JAK2: variants seen among roughly 807,000 people sequenced by gnomAD.
JAK2 encodes the protein tyrosine-protein kinase JAK2.
A neutral mutation model predicts 139.3 loss-of-function variants in JAK2; 86 were observed. The ratio of observed to expected loss-of-function variants is 0.62; its 90% CI spans 0.52 to 0.74. JAK2 has a LOEUF of 0.74. Ranked by LOEUF, JAK2 falls within the 30% of genes least tolerant of loss-of-function variation. The pLI is 0.00. For missense variants in JAK2, 1,421 were observed against 1,360.3 expected (o/e 1.04, Z -0.70); for synonymous variants, 490 against 437.7 (o/e 1.12, Z -1.49).
intron 2 of JAK2, among the ~76,000 whole-genome samples, 191 bp from the exon 3 acceptor site, chr9:5,021,772 G>A (rs906640427): frequency 3.9e-5 from 6 of 152,130 alleles, no homozygotes; most frequent in South Asian, 2.1e-4. Context: ...CTACAAGTGC[G>A]TGCTGCCACG....
intron 22 of JAK2, among the ~76,000 whole-genome samples, chr9:5,106,290 T>C (rs1300994394): frequency 2.6e-5 from 4 of 152,054 alleles, no homozygotes; most frequent in African/African-American, 9.7e-5. Flanking sequence ...AACAGACATA[T>C]AAAAAATGCT....
rs200279369 is a variant in JAK2 at position 4,991,694 on chromosome 9, C to CT, written c.-26+5672_-26+5673insT. ...ACCAGCAAACTCTTTCCCACCCCCC[C>CT]ACCCCACATCTCCTTTTCTAGTCTC... is the stretch of plus-strand genomic sequence containing the variant. On this transcript the variant is annotated intron_variant, in intron 2 of 24. Transcript: ENST00000381652. Among the ~76,000 whole-genome samples the CT allele has an allele frequency of 3.3e-3, 469 of 141,452 alleles. 1 individual carries two copies. Among genetic ancestry groups the CT allele is most frequent in the African/African-American group, 0.012 (450 of 38,704 alleles). The allele number at this position is 141,452 out of a possible 152,430, so 92.8% of individuals were successfully genotyped here.
chr9:5,117,477 T>C (rs1823284728), intron 22 of JAK2, among the ~76,000 whole-genome samples: 1 of 152,194 alleles, frequency 6.6e-6, no homozygotes, highest in Non-Finnish European at 1.5e-5. Context: ...TGGATGTTAT[T>C]TGCTCTTTTC....
intron 2 of JAK2, among the ~76,000 whole-genome samples, chr9:5,005,016 A>C (rs1821188445): frequency 7.0e-6 from 1 of 143,852 alleles, no homozygotes; most frequent in Non-Finnish European, 1.5e-5. Context: ...TCCCAAGCGC[A>C]AGTGATCCTC....
At position 5,026,720 on chromosome 9, in the gene JAK2, C is replaced by T. The variant is rs142059589; in HGVS notation, c.227-3063C>T. On this transcript the variant is annotated intron_variant, in intron 3 of 24. Transcript: ENST00000381652. ...TGTTGTGTTTGTGCTTGTGTGTGTA[C>T]GTGTATGCGTATGTGTGAATGTTCT... Among the ~76,000 whole-genome samples the T allele has an allele frequency of 1.1e-4, 16 of 152,104 alleles. No individual in the cohort carries two copies. In the East Asian group the frequency reaches 1.4e-3, roughly 13 times the overall value.
At position 5,089,632 on chromosome 9, in the gene JAK2, T is replaced by G. The variant is rs1586770154; in HGVS notation, c.2572-42T>G. On this transcript the variant is annotated intron_variant, in intron 19 of 24. Transcript: ENST00000381652. ...TATAAAATTTATTTGTAATTTGCCT[T>G]GAAAACTTGGTATTTCCATCCTAAT... The G allele has an allele frequency of 3.7e-6, 4 of 1,070,626 alleles. No homozygotes were observed. The East Asian group carries it at 1.2e-4, about 31-fold the overall frequency. 66.3% of individuals were successfully genotyped at this position (1,070,626 alleles called of 1,614,324 possible).
At chr9:5,097,463 A>G (rs887600524) in intron 22 of JAK2, 21 of 152,340 alleles carry the variant, frequency 1.4e-4, no homozygotes, top group Admixed American at 1.1e-3. Context: ...CCATTTGGGT[A>G]TATGGGCATA....
chr9:5,025,163 A>C (rs968586150), intron 3 of JAK2, among the ~76,000 whole-genome samples: 430 of 152,010 alleles, frequency 2.8e-3, no homozygotes, highest in African/African-American at 0.01. Context: ...TTTCTGGGAG[A>C]AGGATAGGTC....
intron 2 of JAK2, among the ~76,000 whole-genome samples, chr9:5,015,881 A>G (rs1167695508): frequency 1.3e-5 from 2 of 150,672 alleles, no homozygotes; most frequent in East Asian, 1.9e-4. Flanking sequence ...CGATTGTGTC[A>G]TATTAAAATA....
At chr9:5,051,733 T>A (rs1817429128) in intron 6 of JAK2, among the ~76,000 whole-genome samples, 1 of 152,188 alleles carries the variant, frequency 6.6e-6, no homozygotes, top group African/African-American at 2.4e-5. Flanking sequence ...TGAGTGTGGT[T>A]AAAGCTTCCT....
intron 2 of JAK2, among the ~76,000 whole-genome samples, chr9:4,993,775 C>T (rs974441403): frequency 6.6e-6 from 1 of 152,228 alleles, no homozygotes; most frequent in Admixed American, 6.5e-5. Context: ...ACTGTCATTT[C>T]TTCATAACGT....
chr9:5,114,869 G>T (rs1057423799), intron 22 of JAK2: 1 of 225,080 alleles, frequency 4.4e-6, no homozygotes, highest in Non-Finnish European at 8.9e-6. Context: ...GGGCTGGCCA[G>T]ACCTTCTGTC....
intron 2 of JAK2, among the ~76,000 whole-genome samples, chr9:4,990,420 A>G (rs1320910628): frequency 6.6e-6 from 1 of 152,182 alleles, no homozygotes; most frequent in Non-Finnish European, 1.5e-5. Flanking sequence ...TTGAGCGTAT[A>G]TTGTGGATAT....
rs756128160 is a variant in JAK2, at chr9:5,050,740, C to G, written c.523C>G (p.Gln175Glu). 12 of 1,613,578 alleles carry G rather than the reference C, an allele frequency of 7.4e-6. No homozygotes were observed. In the Admixed American group the frequency reaches 1.5e-4, roughly 20 times the overall value. The part of the protein sequence containing the change: ...WIKVPVTHET[Q>E]EECLGMAVLD... ...AAAAGTACCTGTGACTCATGAAACACAGGAAGAATGTCTTGGGATGGCAGT... is the reference window on the plus strand; with the variant it reads ...AAAAGTACCTGTGACTCATGAAACAGAGGAAGAATGTCTTGGGATGGCAGT... The change falls in exon 6 of 25, where the codon CAG becomes GAG. Residue 175 changes from glutamine to glutamate, a missense_variant. By Grantham distance (29) the Gln-to-Glu change is conservative. Transcript: ENST00000381652.
chr9:5,055,281 G>C (rs1349791526), intron 7 of JAK2, among the ~76,000 whole-genome samples: 2 of 151,976 alleles, frequency 1.3e-5, no homozygotes, highest in Non-Finnish European at 2.9e-5. Flanking sequence ...TTTTAGGTTT[G>C]CATTGCAAGT....
chr9:5,107,604 A>G (rs575797392), intron 22 of JAK2, among the ~76,000 whole-genome samples: 2 of 152,178 alleles, frequency 1.3e-5, no homozygotes, highest in Non-Finnish European at 2.9e-5. Flanking sequence ...AATGATTTCG[A>G]TTCATTAGAT....
At chr9:5,114,031 C>A in intron 22 of JAK2, 1 of 317,754 alleles carries the variant, frequency 3.1e-6, no homozygotes. Context: ...ATCGCCTCTC[C>A]CATACTGGAG....
rs111470574 is a variant in JAK2, at chr9:5,004,740, C to T, written c.-25-17223C>T. ...AGTGACTGTAAAAATTTACATTTTC[C>T]CACCAAGAGTATACAAGAGTTTCTT... On this transcript the variant is annotated intron_variant, in intron 2 of 24. Coordinates refer to ENST00000381652, the MANE Select transcript of JAK2 (RefSeq NM_004972.4). Among the ~76,000 whole-genome samples, 316 of 152,022 alleles carry T rather than the reference C, an allele frequency of 2.1e-3. 5 individuals carry two copies. The highest frequency in any genetic ancestry group is 0.014 in the Middle Eastern group (4 of 294).
At chr9:5,057,290 T>G (rs978060883) in intron 8 of JAK2, among the ~76,000 whole-genome samples, 1 of 152,116 alleles carries the variant, frequency 6.6e-6, no homozygotes, top group East Asian at 1.9e-4. Flanking sequence ...TAATTTTTGC[T>G]TATTATTGCA....
Sources: gnomAD v4.1 joint callset for allele counts (sites outside exome capture counted in the v4.1 genomes callset) on GRCh38, gnomAD v4.1.1 for gene constraint, MANE v1.5 for transcripts, NCBI Gene and HGNC (gene_info 2026-07-23, HGNC 2026-07-21) for gene names.